Variants in FBXL7 observed in about 807,000 individuals in gnomAD.
FBXL7 encodes F-box and leucine rich repeat protein 7.
Under a neutral mutation model 38.3 loss-of-function variants are expected in FBXL7, and 12 were observed. The ratio of observed to expected loss-of-function variants is 0.31; its 90% CI spans 0.20 to 0.51. FBXL7 has a LOEUF of 0.51. Among genes scored for constraint, FBXL7 ranks in the 20% least tolerant of loss-of-function variants. FBXL7 has a pLI of 0.98. For synonymous variants in FBXL7, 297 were observed against 300.9 expected (o/e 0.99, Z 0.13); for missense variants, 567 against 676.4 (o/e 0.84, Z 1.79).
At chr5:15,578,233 A>G (rs1041098702) in intron 1 of FBXL7, among the ~76,000 whole-genome samples, 5 of 152,212 alleles carry the variant, frequency 3.3e-5, no homozygotes, top group Non-Finnish European at 5.9e-5. Context: ...AATCTTATAC[A>G]AAAGAGATGA....
At position 15,683,051 on chromosome 5, in the gene FBXL7, G is replaced by A. The variant is rs897684902; in HGVS notation, c.127+66979G>A. Reference sequence around the variant, plus strand: ...TAAGGGAAGGTGGTACATAGAATAAGAGAGGGAGATGAGAGCTGAAGGTGT... The same window carrying A: ...TAAGGGAAGGTGGTACATAGAATAAAAGAGGGAGATGAGAGCTGAAGGTGT... On this transcript the variant is annotated intron_variant, in intron 2 of 3. Transcript: ENST00000504595. Among the ~76,000 whole-genome samples the A allele has an allele frequency of 3.3e-5, 5 of 152,190 alleles. No individual in the cohort carries two copies. In the East Asian group the frequency reaches 7.7e-4, roughly 23 times the overall value.
chr5:15,793,785 A>C (rs1321477971), intron 2 of FBXL7, among the ~76,000 whole-genome samples: 2 of 152,242 alleles, frequency 1.3e-5, no homozygotes, highest in Admixed American at 1.3e-4. Flanking sequence ...CTGGGTATAG[A>C]ACAGTGAAGA....
chr5:15,542,927 G>A (rs1225218826), intron 1 of FBXL7, among the ~76,000 whole-genome samples: 1 of 152,156 alleles, frequency 6.6e-6, no homozygotes, highest in Non-Finnish European at 1.5e-5. Flanking sequence ...ACTAAAAGCA[G>A]GTTGGGGAAT....
At chr5:15,736,457 C>T (rs868802588) in intron 2 of FBXL7, among the ~76,000 whole-genome samples, 4 of 152,080 alleles carry the variant, frequency 2.6e-5, no homozygotes, top group Middle Eastern at 3.2e-3. Flanking sequence ...ATTGTTTATA[C>T]AACAGTAGAT....
intron 2 of FBXL7, among the ~76,000 whole-genome samples, chr5:15,617,672 C>T (rs1740500740): frequency 6.6e-6 from 1 of 152,162 alleles, no homozygotes; most frequent in Non-Finnish European, 1.5e-5. Context: ...CTCCTGACCT[C>T]AGGTGATCCA....
chr5:15,609,669 G>T (rs1740159103), intron 1 of FBXL7, among the ~76,000 whole-genome samples: 1 of 152,146 alleles, frequency 6.6e-6, no homozygotes, highest in African/African-American at 2.4e-5. Context: ...TTGACTTGTG[G>T]TCATGTCAGT....
chr5:15,697,591 T>C (rs986077457), intron 2 of FBXL7, among the ~76,000 whole-genome samples: 2 of 151,568 alleles, frequency 1.3e-5, no homozygotes, highest in Middle Eastern at 3.4e-3. Context: ...AGGAGACAAA[T>C]TGGGAGTGGA....
intron 1 of FBXL7, among the ~76,000 whole-genome samples, chr5:15,575,774 A>G (rs1005833004): frequency 4.1e-4 from 62 of 152,308 alleles, no homozygotes; most frequent in African/African-American, 1.2e-3. Flanking sequence ...GTTTATGTCT[A>G]TTGGGAAATA....
At chr5:15,609,431 C>G (rs57238097) in intron 1 of FBXL7, among the ~76,000 whole-genome samples, 60 of 152,236 alleles carry the variant, frequency 3.9e-4, no homozygotes, top group African/African-American at 1.4e-3. Context: ...TTGCTGGTGT[C>G]TTTTGTGAGT....
At chr5:15,894,652 A>G (rs1741037588) in intron 2 of FBXL7, among the ~76,000 whole-genome samples, 1 of 152,216 alleles carries the variant, frequency 6.6e-6, no homozygotes. Context: ...GATTCCTTCT[A>G]AGGAGAATAT....
Position 15,592,635 on chromosome 5 carries a change from A to G in FBXL7, c.38-23348A>G, listed in dbSNP as rs534350900. ...TGCCATTTGTCCCTAAGTGTGTTTTATAATAACGGATTTGAAGACCGGGCT... is the reference window on the plus strand; with the variant it reads ...TGCCATTTGTCCCTAAGTGTGTTTTGTAATAACGGATTTGAAGACCGGGCT... On this transcript the variant is annotated intron_variant, in intron 1 of 3. Coordinates refer to ENST00000504595, the MANE Select transcript of FBXL7 (RefSeq NM_012304.5). Among the ~76,000 whole-genome samples the G allele has an allele frequency of 2.6e-5, 4 of 152,300 alleles. No individual in the cohort carries two copies. In the East Asian group the frequency reaches 7.7e-4, roughly 29 times the overall value.
At chr5:15,705,857 A>C (rs1359741794) in intron 2 of FBXL7, among the ~76,000 whole-genome samples, 1 of 152,156 alleles carries the variant, frequency 6.6e-6, no homozygotes, top group Non-Finnish European at 1.5e-5. Flanking sequence ...TAAATAAATA[A>C]ATAAATTTTT....
chr5:15,818,082 A>ATC (rs34777216), intron 2 of FBXL7, among the ~76,000 whole-genome samples: 49,310 of 151,888 alleles, frequency 0.32, 8,530 homozygotes, highest in Admixed American at 0.45. Context: ...TATCATATTA[A>ATC]TCTAGTAAGT....
chr5:15,763,879 A>C (rs904421837), intron 2 of FBXL7, among the ~76,000 whole-genome samples: 3 of 152,218 alleles, frequency 2.0e-5, no homozygotes, highest in Admixed American at 6.5e-5. Flanking sequence ...ACAATATGCT[A>C]TCTGCAAGCT....
chr5:15,873,449 C>G (rs878927677), intron 2 of FBXL7, among the ~76,000 whole-genome samples: 1 of 151,810 alleles, frequency 6.6e-6, no homozygotes, highest in Non-Finnish European at 1.5e-5. Flanking sequence ...ACAAAAAAAC[C>G]CTTCAAAAAA....
intron 2 of FBXL7, among the ~76,000 whole-genome samples, chr5:15,700,055 A>C (rs1743473540): frequency 6.6e-6 from 1 of 152,222 alleles, no homozygotes; most frequent in Non-Finnish European, 1.5e-5. Context: ...AGCTCATTCT[A>C]ACAATTGTCT....
chr5:15,767,185 G>A (rs528000358), intron 2 of FBXL7, among the ~76,000 whole-genome samples: 2 of 151,990 alleles, frequency 1.3e-5, no homozygotes, highest in East Asian at 1.9e-4. Context: ...ACAGCCCCCA[G>A]TGTGCGTTGT....
At chr5:15,610,408 C>T (rs1256291148) in intron 1 of FBXL7, among the ~76,000 whole-genome samples, 1 of 152,336 alleles carries the variant, frequency 6.6e-6, no homozygotes, top group East Asian at 1.9e-4. Flanking sequence ...ATGTACAACT[C>T]CAGGGTCTAA....
intron 2 of FBXL7, among the ~76,000 whole-genome samples, chr5:15,819,132 A>G (rs1283820891): frequency 6.6e-6 from 1 of 152,212 alleles, no homozygotes; most frequent in Non-Finnish European, 1.5e-5. Flanking sequence ...TCTGCATTGC[A>G]AACCATAGTA....
Sources: allele counts gnomAD v4.1 joint callset (sites outside exome capture counted in the v4.1 genomes callset), GRCh38; gene constraint gnomAD v4.1.1; transcripts MANE v1.5; gene names NCBI Gene and HGNC (gene_info 2026-07-23, HGNC 2026-07-21).